The following FBXW8 variants were observed in gnomAD, a reference collection of about 807,000 sequenced individuals.
FBXW8 encodes F-box and WD repeat domain containing 8, also known as F-box/WD repeat-containing protein 8.
In FBXW8, 57 loss-of-function variants were observed where a neutral mutation model predicts 65.3. That is an observed-to-expected ratio of 0.87 (90% CI 0.71 to 1.09). The LOEUF (loss-of-function observed/expected upper bound fraction) is 1.09. Ranked by LOEUF, FBXW8 falls within the 50% of genes least tolerant of loss-of-function variation. The pLI, the probability that FBXW8 is intolerant of heterozygous loss-of-function variation, is 0.00. For synonymous variants in FBXW8, 308 were observed against 330.2 expected (o/e 0.93, Z 0.73); for missense variants, 777 against 814.8 (o/e 0.95, Z 0.57).
intron 8 of FBXW8, among the ~76,000 whole-genome samples, chr12:117,020,122 C>T (rs1954059883): frequency 6.6e-6 from 1 of 152,162 alleles, no homozygotes; most frequent in Non-Finnish European, 1.5e-5. Context: ...TGTAGTTCTG[C>T]CCCGGGTCCC....
intron 7 of FBXW8, among the ~76,000 whole-genome samples, chr12:116,990,908 G>C (rs1465078735): frequency 2.0e-5 from 3 of 152,186 alleles, no homozygotes; most frequent in Non-Finnish European, 4.4e-5. Flanking sequence ...CCAGCACTCT[G>C]GGAGGCCAAG....
chr12:116,960,654 G>T (rs1228419754), intron 4 of FBXW8, among the ~76,000 whole-genome samples: 1 of 152,138 alleles, frequency 6.6e-6, no homozygotes, highest in Non-Finnish European at 1.5e-5. Flanking sequence ...TGGAAAGTGG[G>T]CAGTGGAAAT....
At chr12:116,954,295 T>A (rs1883499137) in intron 4 of FBXW8, among the ~76,000 whole-genome samples, 1 of 152,166 alleles carries the variant, frequency 6.6e-6, no homozygotes. Context: ...TTTCATAGTG[T>A]GACTGTAGCC....
intron 8 of FBXW8, among the ~76,000 whole-genome samples, chr12:117,021,826 G>A (rs950983432): frequency 6.6e-6 from 1 of 152,140 alleles, no homozygotes; most frequent in South Asian, 2.1e-4. Context: ...GGTGGTGCCA[G>A]TGCCTCACTG....
intron 1 of FBXW8, among the ~76,000 whole-genome samples, chr12:116,915,625 C>T (rs1880343236): frequency 7.2e-6 from 1 of 139,636 alleles, no homozygotes; most frequent in African/African-American, 2.5e-5. Context: ...CCAAGGGTAA[C>T]CACTCACCTG....
At chr12:117,010,471 T>G (rs2135709587) in intron 8 of FBXW8, 21 bp downstream of exon 8, 1 of 1,614,166 alleles carries the variant, frequency 6.2e-7, no homozygotes. Context: ...TGGAAGGGCA[T>G]TGCCTTGCAG....
intron 2 of FBXW8, among the ~76,000 whole-genome samples, chr12:116,937,487 G>A (rs757786678): frequency 1.3e-5 from 2 of 152,208 alleles, no homozygotes; most frequent in Non-Finnish European, 2.9e-5. Context: ...CAGATGTGTC[G>A]TTCCTTGGGA....
Position 116,926,498 on chromosome 12 carries a change from G to T in FBXW8, c.319-1525G>T, listed in dbSNP as rs569515038. On this transcript the variant is annotated intron_variant, in intron 1 of 10. Transcript: ENST00000652555. ...TGCAGGAGTCTCAAGTTGTATCTGG[G>T]CCGAGAGAGAAAGTGATGCCTCTTT... 1.0e-3 allele frequency among the ~76,000 whole-genome samples: 155 copies of T among 152,086 alleles called. 5 individuals are homozygous for T. The highest frequency in any genetic ancestry group is 2.4e-4 in the Non-Finnish European group (16 of 68,018).
At chr12:116,944,036 C>G (rs1882772752) in intron 2 of FBXW8, among the ~76,000 whole-genome samples, 1 of 152,164 alleles carries the variant, frequency 6.6e-6, no homozygotes, top group Non-Finnish European at 1.5e-5. Flanking sequence ...TCTGGCCTCT[C>G]TAATGGCTGC....
chr12:116,944,349 T>C (rs867512341), intron 2 of FBXW8, among the ~76,000 whole-genome samples: 8 of 152,202 alleles, frequency 5.3e-5, no homozygotes, highest in Non-Finnish European at 1.2e-4. Flanking sequence ...CTGTCAGTGC[T>C]TTATCAGCTG....
chr12:116,938,864 A>G (rs1034581584), intron 2 of FBXW8, among the ~76,000 whole-genome samples: 1 of 152,196 alleles, frequency 6.6e-6, no homozygotes, highest in Non-Finnish European at 1.5e-5. Context: ...GTGTAACGGC[A>G]GGGACCCCAG....
intron 4 of FBXW8, among the ~76,000 whole-genome samples, chr12:116,958,214 G>T (rs993569803): frequency 1.3e-5 from 2 of 152,228 alleles, no homozygotes; most frequent in African/African-American, 4.8e-5. Context: ...TGCACTGTGG[G>T]ATTGAGTTCA....
chr12:116,958,510 C>G (rs1476408357), intron 4 of FBXW8, among the ~76,000 whole-genome samples: 4 of 152,232 alleles, frequency 2.6e-5, no homozygotes, highest in African/African-American at 9.6e-5. Context: ...TCAGTAGATT[C>G]ATTCATTCCG....
chr12:116,996,967 C>T (rs910636330), intron 7 of FBXW8, among the ~76,000 whole-genome samples: 7 of 152,032 alleles, frequency 4.6e-5, no homozygotes, highest in East Asian at 3.9e-4. Flanking sequence ...ACAAGACCTT[C>T]GTGATGAACT....
intron 1 of FBXW8, among the ~76,000 whole-genome samples, chr12:116,924,590 A>C (rs985884412): frequency 5.3e-5 from 8 of 152,214 alleles, no homozygotes; most frequent in Non-Finnish European, 1.0e-4. Context: ...TTAGATAACA[A>C]GGTATTTCTC....
chr12:116,920,653 T>G (rs1185284737), intron 1 of FBXW8, among the ~76,000 whole-genome samples: 1 of 152,050 alleles, frequency 6.6e-6, no homozygotes, highest in African/African-American at 2.4e-5. Context: ...TACAGAGATC[T>G]GGGGGAGGGG....
rs1399852610 is a variant in FBXW8, at chr12:117,031,084, C to T, written c.*2912C>T. 1.3e-5 allele frequency: 2 copies of T among 152,226 alleles called. No homozygotes were observed. The highest frequency in any genetic ancestry group is 3.9e-4 in the East Asian group (2 of 5,194). The allele number at this position is 152,226 out of a possible 1,614,324, so 9.4% of individuals were successfully genotyped here. A position where few individuals can be genotyped will look rare whatever the true frequency, so the allele number is the denominator to read the frequency against. On this transcript the variant is annotated 3_prime_UTR_variant, in exon 11 of 11. Transcript: ENST00000652555. ...AGATCTCATATCGCCTCTCAAAACA[C>T]TGTCGGACTTGCTTTCTGCTTTATG... is the stretch of plus-strand genomic sequence containing the variant.
intron 7 of FBXW8, among the ~76,000 whole-genome samples, chr12:116,990,658 C>A (rs1018924384): frequency 2.0e-5 from 3 of 151,986 alleles, no homozygotes; most frequent in African/African-American, 4.8e-5. Context: ...TGGATTTATT[C>A]CTGTAGTAAT....
chr12:117,017,014 C>T (rs558441456), intron 8 of FBXW8, among the ~76,000 whole-genome samples: 6 of 152,314 alleles, frequency 3.9e-5, no homozygotes, highest in Admixed American at 2.0e-4. Flanking sequence ...GGCACTACCA[C>T]GCTGTACAGC....
Sources: allele counts gnomAD v4.1 joint callset (sites outside exome capture counted in the v4.1 genomes callset), GRCh38; gene constraint gnomAD v4.1.1; transcripts MANE v1.5; gene names NCBI Gene and HGNC (gene_info 2026-07-23, HGNC 2026-07-21).